The following ANKRD44 variants were observed in gnomAD, a reference collection of about 807,000 sequenced individuals.
The protein encoded by ANKRD44 is ankyrin repeat domain 44.
A neutral mutation model predicts 116.0 loss-of-function variants in ANKRD44; 35 were observed. The ratio of observed to expected loss-of-function variants is 0.30; its 90% CI spans 0.23 to 0.40. The LOEUF (loss-of-function observed/expected upper bound fraction) is 0.40. Ranked by LOEUF, ANKRD44 falls within the 10% of genes least tolerant of loss-of-function variation. The pLI is 1.00. For synonymous variants in ANKRD44, 435 were observed against 461.8 expected (o/e 0.94, Z 0.74); for missense variants, 1,014 against 1,242.6 (o/e 0.82, Z 2.77).
chr2:196,984,877 TTGCTGTTCC>T (rs1416308521), downstream of ANKRD44, among the ~76,000 whole-genome samples: 1 of 152,238 alleles, frequency 6.6e-6, no homozygotes, highest in Non-Finnish European at 1.5e-5. Flanking sequence ...CTCCTAGTAA[TTGCTGTTCC>T]TGCTGTTCAC....
At chr2:197,140,100 T>G (rs1246617096) in intron 3 of ANKRD44, among the ~76,000 whole-genome samples, 1 of 136,516 alleles carries the variant, frequency 7.3e-6, no homozygotes, top group Non-Finnish European at 1.6e-5. Context: ...CAGGGTGGTC[T>G]TGAACTCCTG....
chr2:197,099,158 C>CTA (rs1297331768), intron 10 of ANKRD44, among the ~76,000 whole-genome samples: 1 of 152,110 alleles, frequency 6.6e-6, no homozygotes, highest in Non-Finnish European at 1.5e-5. Context: ...TCCTCCCTGT[C>CTA]TATATTCTGT....
intron 4 of ANKRD44, chr2:197,136,079 C>G (rs1432037476): frequency 1.2e-5 from 2 of 163,710 alleles, no homozygotes; most frequent in African/African-American, 4.8e-5. Context: ...CCTCTGCCAT[C>G]TGGCCCAACC....
intron 1 of ANKRD44, among the ~76,000 whole-genome samples, chr2:197,213,279 G>A (rs1368778870): frequency 6.6e-6 from 1 of 152,208 alleles, no homozygotes. Context: ...TGTTACACAA[G>A]CGGTCTATAA....
intron 15 of ANKRD44, 88 bp from the exon 16 acceptor site, chr2:197,078,902 C>T: frequency 7.5e-7 from 1 of 1,326,214 alleles, no homozygotes; most frequent in Non-Finnish European, 1.0e-6. Flanking sequence ...TACGAACGTT[C>T]CATGAAGTAC....
At chr2:197,190,378 T>A (rs2125616774) in intron 1 of ANKRD44, among the ~76,000 whole-genome samples, 1 of 152,350 alleles carries the variant, frequency 6.6e-6, no homozygotes, top group East Asian at 1.9e-4. Flanking sequence ...AATTTAAGCA[T>A]CATGGGATTT....
At chr2:197,279,691 C>G (rs1479742160) in intron 1 of ANKRD44, among the ~76,000 whole-genome samples, 3 of 152,174 alleles carry the variant, frequency 2.0e-5, no homozygotes, top group Admixed American at 6.5e-5. Context: ...TACTACGAGA[C>G]ATTTAAAAAC....
At chr2:197,259,717 C>T (rs1256596358) in intron 1 of ANKRD44, among the ~76,000 whole-genome samples, 1 of 152,114 alleles carries the variant, frequency 6.6e-6, no homozygotes, top group Admixed American at 6.5e-5. Flanking sequence ...TGAATAAGAC[C>T]AGGCCCCAGC....
intron 18 of ANKRD44, among the ~76,000 whole-genome samples, chr2:197,012,504 A>C (rs2076318013): frequency 6.6e-6 from 1 of 152,186 alleles, no homozygotes; most frequent in African/African-American, 2.4e-5. Flanking sequence ...GAGAATTTAT[A>C]ATTCAACCAC....
At chr2:197,113,592 A>T (rs1001160751) in intron 8 of ANKRD44, among the ~76,000 whole-genome samples, 91 of 152,214 alleles carry the variant, frequency 6.0e-4, no homozygotes, top group Admixed American at 6.0e-3. Flanking sequence ...GTAACCACCA[A>T]CTTGGTGGTA....
chr2:197,137,544 G>A (rs897560345), intron 3 of ANKRD44, among the ~76,000 whole-genome samples: 2 of 152,210 alleles, frequency 1.3e-5, no homozygotes, highest in African/African-American at 2.4e-5. Context: ...ATGCGTAAAC[G>A]TGAACTAGAG....
intron 25 of ANKRD44, among the ~76,000 whole-genome samples, chr2:196,996,657 C>A (rs977333288): frequency 6.6e-6 from 1 of 152,102 alleles, no homozygotes; most frequent in African/African-American, 2.4e-5. Context: ...GTAATCCTAG[C>A]ACTTTGGGAT....
intron 16 of ANKRD44, among the ~76,000 whole-genome samples, chr2:197,031,422 G>A (rs530524462): frequency 6.6e-6 from 1 of 152,306 alleles, no homozygotes; most frequent in Non-Finnish European, 1.5e-5. Context: ...TAGCACAGTA[G>A]AGCCCCAAAC....
chr2:197,106,512 A>T (rs2078430731), intron 9 of ANKRD44, among the ~76,000 whole-genome samples: 1 of 152,098 alleles, frequency 6.6e-6, no homozygotes, highest in Non-Finnish European at 1.5e-5. Context: ...TCAGGAGGCC[A>T]GTCGCAGTGG....
Position 197,234,324 on chromosome 2 carries a change from C to G in ANKRD44, c.28-47218G>C, listed in dbSNP as rs188669262. On this transcript the variant is annotated intron_variant, in intron 1 of 27. Coordinates refer to ENST00000282272, the MANE Select transcript of ANKRD44 (RefSeq NM_001195144.2). The stretch of plus-strand genomic sequence containing the variant: ...CTCCCACCTCAGCCTCCATAGTAGC[C>G]GGGATCACAGGCACATGCCGCCATG... Among the ~76,000 whole-genome samples the G allele has an allele frequency of 4.6e-5, 7 of 152,132 alleles. No homozygotes were observed. In the East Asian group the frequency reaches 1.4e-3, roughly 29 times the overall value.
chr2:197,113,697 C>A (rs1287464691), intron 8 of ANKRD44, among the ~76,000 whole-genome samples: 1 of 152,156 alleles, frequency 6.6e-6, no homozygotes, highest in African/African-American at 2.4e-5. Context: ...GCAAACACCA[C>A]AACCTTCTTT....
intron 20 of ANKRD44, 90 bp from the exon 21 acceptor site, chr2:197,006,000 T>C (rs2076195118): frequency 2.5e-6 from 3 of 1,201,830 alleles, no homozygotes; most frequent in South Asian, 2.6e-5. Context: ...TTAGAGCAAG[T>C]GGACATATGC....
At chr2:197,168,714 T>A (rs2080158071) in intron 2 of ANKRD44, among the ~76,000 whole-genome samples, 1 of 152,170 alleles carries the variant, frequency 6.6e-6, no homozygotes, top group East Asian at 1.9e-4. Flanking sequence ...GCCCCTCACA[T>A]TGAATCCATC....
chr2:197,187,151 C>CTGTATG, intron 1 of ANKRD44, 45 bp from the exon 2 acceptor site: 1 of 1,554,804 alleles, frequency 6.4e-7, no homozygotes, highest in Non-Finnish European at 8.9e-7. Flanking sequence ...ATTAATACAT[C>CTGTATG]TGATCACATA....
Sources: gnomAD v4.1 joint callset for allele counts (sites outside exome capture counted in the v4.1 genomes callset) on GRCh38, gnomAD v4.1.1 for gene constraint, MANE v1.5 for transcripts, NCBI Gene and HGNC (gene_info 2026-07-23, HGNC 2026-07-21) for gene names.